CFAP44: variants seen among roughly 807,000 people sequenced by gnomAD.
CFAP44 encodes the protein cilia and flagella associated protein 44.
Under a neutral mutation model 216.2 loss-of-function variants are expected in CFAP44, and 134 were observed. The observed-to-expected ratio is 0.62, with a 90% CI of 0.54 to 0.72. CFAP44 has a LOEUF of 0.72. Among genes scored for constraint, CFAP44 ranks in the 30% least tolerant of loss-of-function variants. CFAP44 has a pLI of 0.00. For missense variants in CFAP44, 2,035 were observed against 2,182.1 expected (o/e 0.93, Z 1.34); for synonymous variants, 700 against 727.6 (o/e 0.96, Z 0.61).
intron 32 of CFAP44, among the ~76,000 whole-genome samples, chr3:113,299,773 A>T (rs1350005609): frequency 6.6e-6 from 1 of 152,178 alleles, no homozygotes; most frequent in Non-Finnish European, 1.5e-5. Context: ...TCACACCTGT[A>T]ATCCTAGGGC....
At chr3:113,390,657 C>T (rs2107348168) in intron 15 of CFAP44, among the ~76,000 whole-genome samples, 1 of 152,130 alleles carries the variant, frequency 6.6e-6, no homozygotes, top group East Asian at 1.9e-4. Flanking sequence ...TTGCAGGATA[C>T]AAAATCAACA....
In CFAP44 at chr3:113,294,736, A is replaced by G; in HGVS notation, c.5324T>C (p.Ile1775Thr). The stretch of plus-strand genomic sequence containing the variant: ...CCGAGAATCAAGTTTCTTCTTTTCA[A>G]TACACAAATCATTCATCTGATAAAG... ...RKLYQMNDLC[I>T]EKKKLDSRLN... The change falls in exon 34 of 35, where the codon ATT becomes ACT. Residue 1775 changes from isoleucine (I) to threonine (T), a missense_variant. By Grantham distance (89) the Ile-to-Thr change is moderately conservative. This residue lies in a region of CFAP44 where 1,883 missense variants were observed against 2,023.7 expected (regional missense o/e 0.93). Coordinates refer to ENST00000393845, the MANE Select transcript of CFAP44 (RefSeq NM_001164496.2). 1 of 1,536,566 alleles carries G rather than the reference A, an allele frequency of 6.5e-7. No homozygotes were observed. Among genetic ancestry groups the G allele is most frequent in the Non-Finnish European group, 8.7e-7 (1 of 1,146,626 alleles).
At chr3:113,399,125 T>C (rs953981453) in intron 13 of CFAP44, among the ~76,000 whole-genome samples, 5 of 152,168 alleles carry the variant, frequency 3.3e-5, no homozygotes, top group South Asian at 2.1e-4. Context: ...AACACTCCAG[T>C]TGGCAGTCCC....
At chr3:113,428,127 T>C (rs1419635698) in intron 2 of CFAP44, among the ~76,000 whole-genome samples, 1 of 152,184 alleles carries the variant, frequency 6.6e-6, no homozygotes, top group Admixed American at 6.5e-5. Context: ...GGTGCCTAAA[T>C]AGGCCAAACA....
chr3:113,389,066 G>C (rs1168325887), intron 15 of CFAP44, among the ~76,000 whole-genome samples: 1 of 152,128 alleles, frequency 6.6e-6, no homozygotes, highest in Non-Finnish European at 1.5e-5. Context: ...AATGGCTGCA[G>C]AATACACATT....
chr3:113,440,016 G>A (rs188484003), intron 1 of CFAP44, among the ~76,000 whole-genome samples: 3 of 151,784 alleles, frequency 2.0e-5, no homozygotes, highest in South Asian at 2.1e-4. Flanking sequence ...ACATATTATC[G>A]TACAATTCTC....
At chr3:113,428,465 A>G (rs1221161475) in intron 2 of CFAP44, among the ~76,000 whole-genome samples, 1 of 152,232 alleles carries the variant, frequency 6.6e-6, no homozygotes, top group Non-Finnish European at 1.5e-5. Flanking sequence ...CATTAAATCA[A>G]GCTGGCAAAT....
At position 113,291,426 on chromosome 3, in the gene CFAP44, G is replaced by C. The variant is rs979306487; in HGVS notation, c.*131C>G. ...AGAGAGATTCTTAAAGTGACTTAACGTGACTGGATCTGGTTTTACACTTTC... is the reference window on the plus strand; with the variant it reads ...AGAGAGATTCTTAAAGTGACTTAACCTGACTGGATCTGGTTTTACACTTTC... On this transcript the variant is annotated 3_prime_UTR_variant, in exon 35 of 35. Transcript: ENST00000393845. 3.8e-6 allele frequency: 4 copies of C among 1,060,670 alleles called. No homozygotes were observed. The highest frequency in any genetic ancestry group is 5.3e-6 in the Non-Finnish European group (4 of 751,738). The allele number at this position is 1,060,670 out of a possible 1,614,324, so 65.7% of individuals were successfully genotyped here. A position where few individuals can be genotyped will look rare whatever the true frequency, so the allele number is the denominator to read the frequency against.
intron 22 of CFAP44, among the ~76,000 whole-genome samples, chr3:113,350,392 G>A (rs1462072825): frequency 1.3e-5 from 2 of 152,086 alleles, no homozygotes; most frequent in Non-Finnish European, 2.9e-5. Flanking sequence ...CAAAGAGAGA[G>A]AGGAAGAGAC....
intron 31 of CFAP44, 71 bp from the exon 32 acceptor site, chr3:113,304,188 G>A (rs1481439156): frequency 2.7e-6 from 4 of 1,459,890 alleles, no homozygotes; most frequent in African/African-American, 1.4e-5. Flanking sequence ...GAAAGCATAA[G>A]AGGTGCACTT....
chr3:113,375,855 A>G (rs943603157), intron 17 of CFAP44, among the ~76,000 whole-genome samples: 4 of 151,894 alleles, frequency 2.6e-5, no homozygotes, highest in African/African-American at 9.7e-5. Context: ...AAATAAAATC[A>G]CCTCTAAAAG....
intron 33 of CFAP44, among the ~76,000 whole-genome samples, chr3:113,296,049 C>T (rs1452946642): frequency 6.6e-6 from 1 of 152,148 alleles, no homozygotes; most frequent in East Asian, 1.9e-4. Flanking sequence ...ACCCTCACCC[C>T]CACCATCCTC....
At chr3:113,415,201 T>C (rs1934610963) in intron 6 of CFAP44, among the ~76,000 whole-genome samples, 1 of 152,226 alleles carries the variant, frequency 6.6e-6, no homozygotes, top group African/African-American at 2.4e-5. Flanking sequence ...GTGGGTTCAG[T>C]GGTGATTTAC....
At chr3:113,364,185 C>T (rs530555848) in intron 19 of CFAP44, among the ~76,000 whole-genome samples, 1 of 152,202 alleles carries the variant, frequency 6.6e-6, no homozygotes, top group East Asian at 1.9e-4. Context: ...TGTAAAATGT[C>T]TTAGTCTGTG....
intron 6 of CFAP44, among the ~76,000 whole-genome samples, chr3:113,413,124 G>C (rs1022901014): frequency 1.3e-5 from 2 of 152,138 alleles, no homozygotes; most frequent in Non-Finnish European, 2.9e-5. Flanking sequence ...CTGATGATCA[G>C]TGATGTTGAG....
rs1215419628 is a variant in CFAP44 at position 113,409,203 on chromosome 3, T to C, written c.793A>G (p.Ile265Val). The C allele has an allele frequency of 8.1e-6, 13 of 1,614,130 alleles. No individual in the cohort carries two copies. The highest frequency in any genetic ancestry group is 1.1e-5 in the Non-Finnish European group (13 of 1,180,022). The change falls in exon 7 of 35, where the codon ATA becomes GTA. Residue 265 changes from isoleucine to valine, a missense_variant. Physicochemically the swap from Ile to Val is conservative, Grantham distance 29. Coordinates refer to ENST00000393845, the MANE Select transcript of CFAP44 (RefSeq NM_001164496.2). ...TIWNWKEEQP[I>V]LRTKAFSQEV... Reference sequence around the variant, plus strand: ...TGAGAAAAAGCTTTTGTCCTTAGTATGGGTTGTTCTTCTTTCCAGTTCCAG... The same window carrying C: ...TGAGAAAAAGCTTTTGTCCTTAGTACGGGTTGTTCTTCTTTCCAGTTCCAG...
intron 10 of CFAP44, 143 bp downstream of exon 10, chr3:113,401,441 T>G: frequency 8.2e-7 from 1 of 1,221,390 alleles, no homozygotes; most frequent in Non-Finnish European, 1.1e-6. Context: ...AAAAACAACT[T>G]CTATATTTTA....
intron 12 of CFAP44, 94 bp downstream of exon 12, chr3:113,400,451 C>A (rs1934110600): frequency 8.9e-7 from 1 of 1,119,304 alleles, no homozygotes. Flanking sequence ...TTGGGAAAAT[C>A]CCCAAATGCT....
chr3:113,338,292 C>T (rs1378084710), intron 24 of CFAP44, among the ~76,000 whole-genome samples: 1 of 113,426 alleles, frequency 8.8e-6, no homozygotes, highest in Non-Finnish European at 1.8e-5. Flanking sequence ...AAAGAACAAA[C>T]TCTGTTAAGG....
Sources: gnomAD v4.1 joint callset for allele counts (sites outside exome capture counted in the v4.1 genomes callset) on GRCh38, gnomAD v4.1.1 for gene constraint, gnomAD v4.1.1 regional missense constraint, MANE v1.5 for transcripts, NCBI Gene and HGNC (gene_info 2026-07-23, HGNC 2026-07-21) for gene names.